ANGPT4: variants seen among roughly 807,000 people sequenced by gnomAD.
The protein encoded by ANGPT4 is angiopoietin 4, also known as angiopoietin-4.
ANGPT4 carries 50 observed loss-of-function variants against 53.0 expected under a neutral mutation model. The observed-to-expected ratio is 0.94, with a 90% CI of 0.75 to 1.20. The LOEUF (loss-of-function observed/expected upper bound fraction) is 1.20, where lower values mean the gene tolerates loss of function less well. Among genes scored for constraint, ANGPT4 ranks in the 50% most tolerant of loss-of-function variants. The pLI is 0.00. For missense variants in ANGPT4, 648 were observed against 637.1 expected (o/e 1.02, Z -0.18); for synonymous variants, 251 against 259.7 (o/e 0.97, Z 0.32).
chr20:876,133 A>G (rs944114), intron 7 of ANGPT4, among the ~76,000 whole-genome samples: 17,812 of 137,510 alleles, frequency 0.13, 1,538 homozygotes, highest in African/African-American at 0.26. Context: ...GCAACAGAGT[A>G]AGCCCTGTCT....
intron 1 of ANGPT4, among the ~76,000 whole-genome samples, chr20:892,879 C>T (rs922165988): frequency 6.6e-6 from 1 of 152,238 alleles, no homozygotes; most frequent in African/African-American, 2.4e-5. Context: ...CCCTCCTTGA[C>T]ACTGCCCTCA....
In ANGPT4 at chr20:874,414, C is replaced by G; in HGVS notation, c.1221G>C (p.Arg407Ser). 1 of 1,613,200 alleles carries G rather than the reference C, an allele frequency of 6.2e-7. No homozygotes were observed. Among genetic ancestry groups the G allele is most frequent in the Non-Finnish European group, 8.5e-7 (1 of 1,179,982 alleles). The change falls in exon 8 of 9, where the codon AGG (arginine) becomes AGC (serine). Residue 407 changes from arginine (R) to serine (S), a missense_variant and splice_region_variant. Physicochemically the swap from Arg to Ser is moderately radical, Grantham distance 110 (BLOSUM62 -1). Coordinates refer to ENST00000381922, the MANE Select transcript of ANGPT4 (RefSeq NM_015985.4). ...AGCCGCTGTACCCGACCACAGAAAGCCTGGAGGCCACCCAGAGGTGGTGGT... is the reference window on the plus strand; with the variant it reads ...AGCCGCTGTACCCGACCACAGAAAGGCTGGAGGCCACCCAGAGGTGGTGGT... ...FHLGSENQLY[R>S]LSVVGYSGSA...
chr20:881,085 G>T (rs948052848), intron 5 of ANGPT4, 86 bp downstream of exon 5: 16 of 1,097,946 alleles, frequency 1.5e-5, no homozygotes, highest in Non-Finnish European at 1.8e-5. Context: ...GACAAAGCCT[G>T]ATCCCGATGG....
intron 1 of ANGPT4, among the ~76,000 whole-genome samples, chr20:912,729 A>T (rs1982753500): frequency 6.6e-6 from 1 of 152,164 alleles, no homozygotes; most frequent in Non-Finnish European, 1.5e-5. Context: ...GGCTCTCCCC[A>T]TGCCTGATGA....
intron 2 of ANGPT4, among the ~76,000 whole-genome samples, chr20:888,928 C>T (rs1051809428): frequency 6.6e-6 from 1 of 152,232 alleles, no homozygotes; most frequent in African/African-American, 2.4e-5. Context: ...TCACCATGGC[C>T]TGCAAGGCCC....
intron 1 of ANGPT4, among the ~76,000 whole-genome samples, chr20:891,118 G>A (rs965360318): frequency 7.9e-5 from 12 of 152,148 alleles, no homozygotes; most frequent in South Asian, 2.1e-4. Context: ...ATAAATGCGC[G>A]TTCAATGAAT....
intron 5 of ANGPT4, among the ~76,000 whole-genome samples, chr20:880,849 G>A (rs1338218258): frequency 9.8e-5 from 15 of 152,332 alleles, no homozygotes; most frequent in East Asian, 5.8e-4. Flanking sequence ...AGAAAGAAAC[G>A]TCTTTGGGCT....
chr20:883,562 C>T (rs1981489646), intron 4 of ANGPT4, among the ~76,000 whole-genome samples: 1 of 152,246 alleles, frequency 6.6e-6, no homozygotes, highest in Non-Finnish European at 1.5e-5. Flanking sequence ...CTGAGCCTCT[C>T]CTTCAGTTTC....
intron 1 of ANGPT4, among the ~76,000 whole-genome samples, chr20:899,925 C>G (rs564575127): frequency 6.6e-6 from 1 of 152,318 alleles, no homozygotes; most frequent in South Asian, 2.1e-4. Flanking sequence ...TCAGTCAAGC[C>G]CTTTCTCATG....
rs935623665 is a variant in ANGPT4 at position 911,309 on chromosome 20, G to T, written c.309+4597C>A. Among the ~76,000 whole-genome samples, 4 of 152,226 alleles carry T rather than the reference G, an allele frequency of 2.6e-5. No homozygotes were observed. Among genetic ancestry groups the T allele is most frequent in the Non-Finnish European group, 5.9e-5 (4 of 68,026 alleles). ...ACAGCAGAGGCTGGGGCAGTGCCAG[G>T]TTGGGAGGCCCCTGCCCAGCCCCTG... On this transcript the variant is annotated intron_variant, in intron 1 of 8. Coordinates refer to ENST00000381922, the MANE Select transcript of ANGPT4 (RefSeq NM_015985.4). This position sits in a 1 kb window ranked among gnomAD's most constrained non-coding sequence, Gnocchi z 4.9.
intron 1 of ANGPT4, among the ~76,000 whole-genome samples, chr20:910,572 A>G (rs371700967): frequency 2.0e-5 from 3 of 152,296 alleles, no homozygotes; most frequent in African/African-American, 4.8e-5. Context: ...AACTGCGGCC[A>G]GAGTCTGACT....
chr20:875,599 G>T (rs1981133608), intron 7 of ANGPT4, among the ~76,000 whole-genome samples: 1 of 152,238 alleles, frequency 6.6e-6, no homozygotes. Flanking sequence ...TGTTCCAGTG[G>T]TAATGATAGT....
chr20:893,748 C>A (rs1373985697), intron 1 of ANGPT4, among the ~76,000 whole-genome samples: 1 of 152,228 alleles, frequency 6.6e-6, no homozygotes, highest in Non-Finnish European at 1.5e-5. Flanking sequence ...TCTTTCCCAT[C>A]TCAGGAAATG....
At position 876,149 on chromosome 20, in the gene ANGPT4, A is replaced by C. The variant is rs1162759907; in HGVS notation, c.1221-1735T>G. ...CAACAGAGTAAGCCCTGTCTCAAAA[A>C]AAAAAAAAAAAAAAAAGAAGGTCTT... On this transcript the variant is annotated intron_variant, in intron 7 of 8. Transcript: ENST00000381922. Among the ~76,000 whole-genome samples, 243 of 149,438 alleles carry C rather than the reference A, an allele frequency of 1.6e-3. 2 individuals carry two copies. Among genetic ancestry groups the C allele is most frequent in the African/African-American group, 5.2e-3 (212 of 40,628 alleles).
chr20:898,284 G>A (rs1600058128), intron 1 of ANGPT4, among the ~76,000 whole-genome samples: 1 of 152,092 alleles, frequency 6.6e-6, no homozygotes, highest in East Asian at 1.9e-4. Flanking sequence ...CTCACACCCA[G>A]TCTGGCTTAC....
chr20:903,874 C>A (rs1043018974), intron 1 of ANGPT4, among the ~76,000 whole-genome samples: 3 of 152,132 alleles, frequency 2.0e-5, no homozygotes, highest in African/African-American at 7.2e-5. Context: ...GGAGCAAAGA[C>A]TTAGTGAGGG....
At chr20:888,815 T>C (rs1981721426) in intron 2 of ANGPT4, among the ~76,000 whole-genome samples, 1 of 152,194 alleles carries the variant, frequency 6.6e-6, no homozygotes, top group African/African-American at 2.4e-5. Flanking sequence ...TTGCTTGCAA[T>C]CTATTCTCTA....
chr20:890,406 C>CGGGGGGGGGGGG, intron 1 of ANGPT4, 38 bp from the exon 2 acceptor site: 1 of 841,000 alleles, frequency 1.2e-6, no homozygotes, highest in Non-Finnish European at 1.8e-6. Flanking sequence ...GGGGGAGGGG[C>CGGGGGGGGGGGG]GGGGGAAGCC....
chr20:916,275 G>T lies in ANGPT4; in HGVS notation c.-61C>A. 1.3e-6 allele frequency: 2 copies of T among 1,540,814 alleles called. No individual in the cohort carries two copies. Among genetic ancestry groups the T allele is most frequent in the South Asian group, 1.2e-5 (1 of 81,288 alleles). On this transcript the variant is annotated 5_prime_UTR_variant, in exon 1 of 9. Coordinates refer to ENST00000381922, the MANE Select transcript of ANGPT4 (RefSeq NM_015985.4). ...GAGCCCTAGGGGCTGTGCCTGGGAT[G>T]TCCTGCTGCAGCCAACAGTGGCCAG...
Sources: allele counts gnomAD v4.1 joint callset (sites outside exome capture counted in the v4.1 genomes callset), GRCh38; gene constraint gnomAD v4.1.1; non-coding constraint Gnocchi (gnomAD v3.1); transcripts MANE v1.5; gene names NCBI Gene and HGNC (gene_info 2026-07-23, HGNC 2026-07-21).